The following EAF1 variants were observed in gnomAD, a reference collection of about 807,000 sequenced individuals.
EAF1 encodes ELL-associated factor 1.
Under a neutral mutation model 26.6 loss-of-function variants are expected in EAF1, and 19 were observed. The observed-to-expected ratio is 0.71, with a 90% CI of 0.50 to 1.05. The LOEUF is 1.05. Among genes scored for constraint, EAF1 ranks in the 50% least tolerant of loss-of-function variants. EAF1 has a pLI of 0.00. For synonymous variants in EAF1, 102 were observed against 120.6 expected (o/e 0.85, Z 1.01); for missense variants, 260 against 335.5 (o/e 0.78, Z 1.76).
intron 4 of EAF1, chr3:15,436,065 TAATTC>T (rs1250401243): frequency 4.3e-6 from 1 of 234,600 alleles, no homozygotes; most frequent in African/African-American, 2.2e-5. Context: ...CAAATGGACT[TAATTC>T]ATTTCTTACA....
intron 4 of EAF1, 95 bp from the exon 5 acceptor site, chr3:15,436,247 G>A: frequency 1.2e-6 from 1 of 850,326 alleles, no homozygotes; most frequent in Non-Finnish European, 1.7e-6. Flanking sequence ...ATTTCTTATT[G>A]CTGTTGGTTT....
At chr3:15,435,047 C>G (rs567949932) in intron 4 of EAF1, among the ~76,000 whole-genome samples, 84 of 152,254 alleles carry the variant, frequency 5.5e-4, no homozygotes, top group African/African-American at 1.9e-3. Flanking sequence ...CTGTTGGTAG[C>G]TACTGAACTC....
chr3:15,430,021 A>AT lies in EAF1; in HGVS notation c.198+25dup, dbSNP rs11322247. 40,937 of 1,256,668 alleles carry AT rather than the reference A, an allele frequency of 0.033. 367 individuals are homozygous for AT. The highest frequency in any genetic ancestry group is 0.14 in the African/African-American group (8,640 of 62,910). 77.8% of individuals were successfully genotyped at this position (1,256,668 alleles called of 1,614,324 possible). ...CCACATATCCCTGTGAGTTTATTTC[A>AT]TTTTTTTTTTTAATGTAAGATCACA... On this transcript the variant is annotated intron_variant, in intron 2 of 5. Coordinates refer to ENST00000396842, the MANE Select transcript of EAF1 (RefSeq NM_033083.7).
chr3:15,434,992 C>T (rs2061826243), intron 4 of EAF1, among the ~76,000 whole-genome samples: 1 of 152,102 alleles, frequency 6.6e-6, no homozygotes, highest in Non-Finnish European at 1.5e-5. Flanking sequence ...GCAGGAGGAT[C>T]GCTTGAAGTT....
chr3:15,438,224 TTGTA>T (rs1305176073), intron 5 of EAF1, among the ~76,000 whole-genome samples: 2 of 152,216 alleles, frequency 1.3e-5, no homozygotes, highest in African/African-American at 2.4e-5. Context: ...TGTATTCCTA[TTGTA>T]TTAGATTGAA....
At chr3:15,433,996 C>T (rs889646828) in intron 3 of EAF1, among the ~76,000 whole-genome samples, 3 of 152,200 alleles carry the variant, frequency 2.0e-5, no homozygotes, top group Non-Finnish European at 4.4e-5. Context: ...TGATGCAGTT[C>T]TCAGGACTTA....
In EAF1 at chr3:15,432,370, A is replaced by G. The variant is rs530365371; in HGVS notation, c.335+147A>G. Reference sequence around the variant, plus strand: ...CTGTGCTCAGACAAAATATGTAAATATGTGCTCAGAGTAAAATATGTCTTC... The same window carrying G: ...CTGTGCTCAGACAAAATATGTAAATGTGTGCTCAGAGTAAAATATGTCTTC... On this transcript the variant is annotated intron_variant, in intron 3 of 5. Transcript: ENST00000396842. 21 of 986,620 alleles carry G rather than the reference A, an allele frequency of 2.1e-5. No homozygotes were observed. In the South Asian group the frequency reaches 3.5e-4, roughly 17 times the overall value. The allele number at this position is 986,620 out of a possible 1,614,324, so 61.1% of individuals were successfully genotyped here.
chr3:15,434,270 C>A (rs931225738), intron 3 of EAF1, 78 bp from the exon 4 acceptor site: 39 of 1,535,782 alleles, frequency 2.5e-5, no homozygotes, highest in Non-Finnish European at 3.4e-5. Flanking sequence ...ACAGAGACTT[C>A]TGAGTTTTCA....
chr3:15,438,741 T>TCTCCAACTGCTGGC, intron 5 of EAF1: 1 of 165,184 alleles, frequency 6.1e-6, no homozygotes, highest in Non-Finnish European at 1.3e-5. Flanking sequence ...GCCAGGCTGG[T>TCTCCAACTGCTGGC]CTCCAACTGC....
Position 15,440,288 on chromosome 3 carries a change from T to TTTTTTTTTTTTTTTTTTTTTGAG in EAF1, c.*1133_*1134insTTTTTTTTTTTTTTTTTTTTGAG, listed in dbSNP as rs2061857772. On this transcript the variant is annotated 3_prime_UTR_variant, in exon 6 of 6. Transcript: ENST00000396842. ...GACTCCCTGACCGATTTGTATTTTTTATATACAACTAGAAGGAAGTCACAA... is the reference window on the plus strand; with the variant it reads ...GACTCCCTGACCGATTTGTATTTTTTTTTTTTTTTTTTTTTTTTTTGAGATATACAACTAGAAGGAAGTCACAA... 6.6e-6 allele frequency: 1 copy of TTTTTTTTTTTTTTTTTTTTTGAG among 152,244 alleles called. No homozygotes were observed. The highest frequency in any genetic ancestry group is 1.5e-5 in the Non-Finnish European group (1 of 68,050). 9.4% of individuals were successfully genotyped at this position (152,244 alleles called of 1,614,324 possible).
chr3:15,436,237 A>G (rs1170975256), intron 4 of EAF1, 105 bp from the exon 5 acceptor site: 3 of 812,254 alleles, frequency 3.7e-6, no homozygotes, highest in East Asian at 5.6e-5. Context: ...GTTTTAAATT[A>G]TTTCTTATTG....
Position 15,434,542 on chromosome 3 carries a change from G to A in EAF1, c.526+4G>A, listed in dbSNP as rs1450044515. 2 of 1,613,932 alleles carry A rather than the reference G, an allele frequency of 1.2e-6. No individual in the cohort carries two copies. The highest frequency in any genetic ancestry group is 2.2e-5 in the South Asian group (2 of 91,062). ...CAGTTGGATGACATCAAAAGAGGTA[G>A]AGAACATTTTCTGGATCCATGATAG... On this transcript the variant is annotated splice_donor_region_variant and intron_variant, in intron 4 of 5. Transcript: ENST00000396842.
chr3:15,432,439 C>T (rs112838059), intron 3 of EAF1, among the ~76,000 whole-genome samples: 66 of 152,264 alleles, frequency 4.3e-4, no homozygotes, highest in African/African-American at 1.2e-3. Flanking sequence ...AGACCTAAAA[C>T]ATGGGAACCA....
In EAF1 at chr3:15,427,892, C is replaced by G. The variant is rs961727953; in HGVS notation, c.103+10C>G. Reference sequence around the variant, plus strand: ...TTCCACACTATTCGTTGTAAGTCAGCGCTCCCCACGGTTCCCTTCGGCCGC... The same window carrying G: ...TTCCACACTATTCGTTGTAAGTCAGGGCTCCCCACGGTTCCCTTCGGCCGC... On this transcript the variant is annotated intron_variant, in intron 1 of 5. Transcript: ENST00000396842. 6.5e-7 allele frequency: 1 copy of G among 1,534,624 alleles called. No homozygotes were observed. Among genetic ancestry groups the G allele is most frequent in the South Asian group, 1.2e-5 (1 of 83,006 alleles).
intron 3 of EAF1, among the ~76,000 whole-genome samples, chr3:15,433,506 G>C (rs1202317601): frequency 6.6e-6 from 1 of 152,230 alleles, no homozygotes; most frequent in Non-Finnish European, 1.5e-5. Context: ...AATCTGCAGA[G>C]ATCACCAGGT....
chr3:15,428,578 A>C (rs997614169), intron 1 of EAF1, among the ~76,000 whole-genome samples: 1 of 152,122 alleles, frequency 6.6e-6, no homozygotes, highest in Non-Finnish European at 1.5e-5. Context: ...TGAGCCTGGG[A>C]TAGGTTAAAG....
intron 2 of EAF1, 107 bp downstream of exon 2, chr3:15,430,114 A>C: frequency 1.1e-6 from 1 of 915,842 alleles, no homozygotes; most frequent in Non-Finnish European, 1.6e-6. Context: ...AGATTTCTAA[A>C]GTGGCAACTT....
intron 2 of EAF1, among the ~76,000 whole-genome samples, chr3:15,431,806 A>G (rs536628448): frequency 2.0e-5 from 3 of 152,322 alleles, no homozygotes; most frequent in African/African-American, 7.2e-5. Context: ...AATGAAAGTA[A>G]TGGTTAATTT....
intron 4 of EAF1, 69 bp downstream of exon 4, chr3:15,434,607 C>A: frequency 1.3e-6 from 2 of 1,547,180 alleles, no homozygotes; most frequent in South Asian, 1.2e-5. Flanking sequence ...GTGGAGATCA[C>A]ATGGCTGCTG....
Sources: gnomAD v4.1 joint callset for allele counts (sites outside exome capture counted in the v4.1 genomes callset) on GRCh38, gnomAD v4.1.1 for gene constraint, MANE v1.5 for transcripts, NCBI Gene and HGNC (gene_info 2026-07-23, HGNC 2026-07-21) for gene names.